Variants in KCNN2 observed in about 807,000 individuals in gnomAD.
KCNN2 encodes potassium calcium-activated channel subfamily N member 2, also known as small conductance calcium-activated potassium channel protein 2.
KCNN2 carries 24 observed loss-of-function variants against 55.5 expected under a neutral mutation model. The observed-to-expected ratio is 0.43, with a 90% confidence interval of 0.31 to 0.61. KCNN2 has a LOEUF of 0.61. Ranked by LOEUF, KCNN2 falls within the 20% of genes least tolerant of loss-of-function variation. The pLI is 0.08. For synonymous variants in KCNN2, 431 were observed against 336.1 expected, an observed-to-expected ratio of 1.28 and a Z score of -3.09; for missense variants, 754 against 853.6, an observed-to-expected ratio of 0.88 and a Z score of 1.45.
At chr5:114,060,375 A>T (rs1011312208) in intron 1 of KCNN2, among the ~76,000 whole-genome samples, 1 of 152,210 alleles carries the variant, frequency 6.6e-6, no homozygotes, top group Admixed American at 6.5e-5. Flanking sequence ...TGGATCCCTT[A>T]TGTCCCTTAT....
At chr5:114,155,728 G>C (rs911380222) in intron 1 of KCNN2, among the ~76,000 whole-genome samples, 22 of 151,730 alleles carry the variant, frequency 1.4e-4, no homozygotes, top group African/African-American at 5.1e-4. Flanking sequence ...TTTTTAATGG[G>C]GTTATTTGTT....
At chr5:114,157,686 G>T (rs368623402) in intron 1 of KCNN2, among the ~76,000 whole-genome samples, 4 of 152,040 alleles carry the variant, frequency 2.6e-5, no homozygotes, top group South Asian at 2.1e-4. Flanking sequence ...TGACTTTTTA[G>T]TGATCACCAT....
rs1758058366 is a variant in KCNN2 at position 114,379,779 on chromosome 5, A to G, written c.1218+15778A>G. 3.2e-5 allele frequency among the ~76,000 whole-genome samples: 4 copies of G among 123,338 alleles called. No homozygotes were observed. In the South Asian group the frequency reaches 9.0e-4, roughly 28 times the overall value. 80.9% of individuals were successfully genotyped at this position (123,338 alleles called of 152,430 possible). On this transcript the variant is annotated intron_variant, in intron 2 of 7. Transcript: ENST00000673685. ...ATATATTTATAGAATATATTATATA[A>G]CATATATATTTATAGAATATATTAT...
chr5:114,161,569 T>C (rs1752784020), intron 1 of KCNN2, among the ~76,000 whole-genome samples: 1 of 152,134 alleles, frequency 6.6e-6, no homozygotes, highest in African/African-American at 2.4e-5. Context: ...ATTGGGGAAG[T>C]TTTTCTGGAT....
intron 1 of KCNN2, among the ~76,000 whole-genome samples, chr5:114,176,024 T>C (rs1753124827): frequency 2.0e-5 from 3 of 152,228 alleles, no homozygotes. Context: ...AATTGTTTTC[T>C]TTTTTGTTGT....
intron 2 of KCNN2, among the ~76,000 whole-genome samples, chr5:114,229,358 A>G (rs1489800754): frequency 6.6e-6 from 1 of 151,704 alleles, no homozygotes; most frequent in East Asian, 1.9e-4. Context: ...CTTAGTATTC[A>G]GATACAATAA....
At chr5:114,099,279 G>T (rs1391987827) in intron 1 of KCNN2, among the ~76,000 whole-genome samples, 2 of 152,060 alleles carry the variant, frequency 1.3e-5, no homozygotes, top group African/African-American at 2.4e-5. Flanking sequence ...ATATAATACA[G>T]ATTATAGCAA....
At chr5:114,335,559 A>G (rs1045078880) in intron 2 of KCNN2, among the ~76,000 whole-genome samples, 1 of 152,112 alleles carries the variant, frequency 6.6e-6, no homozygotes, top group African/African-American at 2.4e-5. Context: ...AATGTCATCC[A>G]TTGGGTGGTA....
rs1035828831 is a variant in KCNN2 at position 114,094,355 on chromosome 5, A to G, written c.-271+37855A>G. 3.3e-5 allele frequency among the ~76,000 whole-genome samples: 5 copies of G among 152,298 alleles called. No homozygotes were observed. In the East Asian group the frequency reaches 9.7e-4, roughly 30 times the overall value. On this transcript the variant is annotated intron_variant, in intron 1 of 10. Transcript: ENST00000512097. ...ATTTTAAATCTGAAAATTGTTGAGA[A>G]GGATCCAAGCTGAGCATCTCAGCTT...
intron 1 of KCNN2, among the ~76,000 whole-genome samples, chr5:114,107,259 T>A (rs1055914845): frequency 6.6e-6 from 1 of 151,750 alleles, no homozygotes; most frequent in Non-Finnish European, 1.5e-5. Flanking sequence ...TATTTGTCTA[T>A]TTTTGAGCCA....
chr5:114,082,552 CAG>C (rs1456995953), intron 1 of KCNN2, among the ~76,000 whole-genome samples: 1 of 152,084 alleles, frequency 6.6e-6, no homozygotes, highest in East Asian at 1.9e-4. Flanking sequence ...TAATTAAAAA[CAG>C]AATTACCACA....
chr5:114,189,158 G>GTGTGTGTA (rs1753399461), intron 1 of KCNN2, among the ~76,000 whole-genome samples: 1 of 135,604 alleles, frequency 7.4e-6, no homozygotes, highest in Non-Finnish European at 1.6e-5. Flanking sequence ...GTGTGTGTAT[G>GTGTGTGTA]TGTGTGTGTG....
rs534085801 is a variant in KCNN2 at position 114,459,356 on chromosome 5, T to G, written c.1638-3693T>G. Among the ~76,000 whole-genome samples the G allele has an allele frequency of 3.9e-5, 6 of 152,348 alleles. No homozygotes were observed. The South Asian group carries it at 1.2e-3, about 32-fold the overall frequency. ...TTGTACAAATCATTTCTTCATGCCTTTCTCAGAATAGTTCTCCTTGTAGAG... is the reference window on the plus strand; with the variant it reads ...TTGTACAAATCATTTCTTCATGCCTGTCTCAGAATAGTTCTCCTTGTAGAG... On this transcript the variant is annotated intron_variant, in intron 3 of 7. Coordinates refer to ENST00000673685, the MANE Select transcript of KCNN2 (RefSeq NM_021614.4).
At position 114,094,644 on chromosome 5, in the gene KCNN2, G is replaced by C. The variant is rs905868707; in HGVS notation, c.-271+38144G>C. 2.0e-5 allele frequency among the ~76,000 whole-genome samples: 3 copies of C among 152,292 alleles called. No homozygotes were observed. In the East Asian group the frequency reaches 5.8e-4, roughly 29 times the overall value. ...AATACAGTAACACCTCCTGAATTTAGCTTTGCTGGAGACAGCTGCTTCATA... is the reference window on the plus strand; with the variant it reads ...AATACAGTAACACCTCCTGAATTTACCTTTGCTGGAGACAGCTGCTTCATA... On this transcript the variant is annotated intron_variant, in intron 1 of 10. Coordinates refer to the KCNN2 transcript ENST00000512097.
intron 3 of KCNN2, among the ~76,000 whole-genome samples, chr5:114,422,783 A>G (rs920928500): frequency 1.3e-5 from 2 of 152,228 alleles, no homozygotes; most frequent in East Asian, 1.9e-4. Flanking sequence ...TGGGCAGACC[A>G]TCGTCAGAGA....
At chr5:114,110,894 G>T (rs904014048) in intron 1 of KCNN2, among the ~76,000 whole-genome samples, 2 of 151,720 alleles carry the variant, frequency 1.3e-5, no homozygotes, top group Non-Finnish European at 2.9e-5. Flanking sequence ...TGTTAGTGCT[G>T]GAATAAAATT....
chr5:114,264,998 T>C (rs887282070), intron 2 of KCNN2, among the ~76,000 whole-genome samples: 6 of 152,228 alleles, frequency 3.9e-5, no homozygotes, highest in African/African-American at 1.4e-4. Context: ...TTATGTTATA[T>C]GAAAAACAAA....
chr5:114,464,892 T>G (rs1761370854), intron 4 of KCNN2, among the ~76,000 whole-genome samples: 1 of 152,108 alleles, frequency 6.6e-6, no homozygotes, highest in Non-Finnish European at 1.5e-5. Context: ...TAGCATTTTA[T>G]TATGTGGTAT....
At chr5:114,282,675 T>C (rs900396807) in intron 2 of KCNN2, among the ~76,000 whole-genome samples, 5 of 152,170 alleles carry the variant, frequency 3.3e-5, no homozygotes, top group Admixed American at 6.5e-5. Context: ...AACAAGGTTA[T>C]GTTGGTATCA....
Sources: gnomAD v4.1 joint callset for allele counts (sites outside exome capture counted in the v4.1 genomes callset) on GRCh38, gnomAD v4.1.1 for gene constraint, MANE v1.5 for transcripts, NCBI Gene and HGNC (gene_info 2026-07-23, HGNC 2026-07-21) for gene names.